Variants in ARHGAP32 observed in about 807,000 individuals in gnomAD.
ARHGAP32 encodes Rho GTPase activating protein 32, also known as rho GTPase-activating protein 32.
ARHGAP32 carries 51 observed loss-of-function variants against 186.5 expected under a neutral mutation model. The ratio of observed to expected loss-of-function variants is 0.27; its 90% CI spans 0.22 to 0.35. The LOEUF is 0.35. ARHGAP32 is among the 10% of genes least tolerant of loss of function. The pLI is 1.00. For missense variants in ARHGAP32, 2,186 were observed against 2,623.5 expected, an observed-to-expected ratio of 0.83 and a Z score of 3.64; for synonymous variants, 950 against 964.3, an observed-to-expected ratio of 0.99 and a Z score of 0.27.
chr11:129,043,460 C>A (rs1939686184), intron 10 of ARHGAP32, among the ~76,000 whole-genome samples: 1 of 146,052 alleles, frequency 6.8e-6, no homozygotes, highest in Admixed American at 7.1e-5. Flanking sequence ...GACCTCGGCT[C>A]ACTGTAACCT....
intron 6 of ARHGAP32, among the ~76,000 whole-genome samples, chr11:129,084,296 G>A (rs1190691748): frequency 6.6e-6 from 1 of 151,212 alleles, no homozygotes; most frequent in African/African-American, 2.4e-5. Flanking sequence ...TCTTCTGGGA[G>A]GCCAACATTT....
intron 1 of ARHGAP32, among the ~76,000 whole-genome samples, chr11:129,186,675 G>GT (rs1944167787): frequency 6.6e-6 from 1 of 152,086 alleles, no homozygotes; most frequent in Admixed American, 6.6e-5. Flanking sequence ...AGGAAAAAAT[G>GT]TAATAATCCG....
chr11:129,055,562 A>ACTG (rs1371440393), intron 10 of ARHGAP32, among the ~76,000 whole-genome samples: 1 of 152,222 alleles, frequency 6.6e-6, no homozygotes, highest in Non-Finnish European at 1.5e-5. Context: ...GAATATATAA[A>ACTG]CTGTGGCATA....
intron 11 of ARHGAP32, among the ~76,000 whole-genome samples, chr11:129,017,528 T>A (rs183472558): frequency 2.0e-5 from 3 of 152,188 alleles, no homozygotes; most frequent in Non-Finnish European, 4.4e-5. Context: ...TTAAATGAGT[T>A]AAAATTATAA....
intron 8 of ARHGAP32, among the ~76,000 whole-genome samples, chr11:129,064,428 T>C (rs1346125154): frequency 2.0e-5 from 3 of 152,114 alleles, no homozygotes; most frequent in African/African-American, 2.4e-5. Flanking sequence ...ATATGCACAT[T>C]AAGAATAAAT....
In ARHGAP32 at chr11:128,969,256, T is replaced by C. The variant is rs1374043207; in HGVS notation, c.5957A>G (p.His1986Arg). ...HSRDCYKEEE[H>R]LTQSIVPPPK... ...GGGTGGGACGATTGACTGAGTGAGG[T>C]GTTCTTCCTCCTTGTAGCAGTCTCT... Residue 1986 changes from histidine (H) to arginine (R), a missense_variant, in exon 23 of 23, where the codon CAC becomes CGC. Physicochemically the swap from His to Arg is conservative, Grantham distance 29 (BLOSUM62 0). Around this residue, in one of 5 missense-constraint regions of ARHGAP32, gnomAD observed 1,502 missense variants for 1,570.0 expected, o/e 0.96. Coordinates refer to ENST00000682385, the MANE Select transcript of ARHGAP32 (RefSeq NM_001378024.1). The surrounding 1 kb of genome is among the most constrained non-coding windows in gnomAD (Gnocchi z 4.8). The C allele has an allele frequency of 6.2e-7, 1 of 1,614,080 alleles. No homozygotes were observed. Among genetic ancestry groups the C allele is most frequent in the African/African-American group, 1.3e-5 (1 of 75,052 alleles).
chr11:129,264,334 T>C (rs1357628718), intron 1 of ARHGAP32, among the ~76,000 whole-genome samples: 1 of 152,200 alleles, frequency 6.6e-6, no homozygotes, highest in Admixed American at 6.5e-5. Context: ...TGTGAATATA[T>C]TCACACTACT....
chr11:129,117,233 G>A (rs1374822638), intron 5 of ARHGAP32, among the ~76,000 whole-genome samples: 2 of 151,758 alleles, frequency 1.3e-5, no homozygotes, highest in Admixed American at 1.3e-4. Flanking sequence ...TCCACAAAAC[G>A]GTTTAAGAAC....
At chr11:129,244,036 G>C (rs1044690988) in intron 1 of ARHGAP32, among the ~76,000 whole-genome samples, 5 of 152,098 alleles carry the variant, frequency 3.3e-5, no homozygotes, top group Non-Finnish European at 7.4e-5. Flanking sequence ...TGGCACAACA[G>C]AAAATAAGAG....
chr11:129,138,693 C>G (rs1394445212), intron 2 of ARHGAP32, among the ~76,000 whole-genome samples: 1 of 152,194 alleles, frequency 6.6e-6, no homozygotes, highest in African/African-American at 2.4e-5. Flanking sequence ...AGCCCCACCA[C>G]AAGCCCATCC....
At chr11:129,015,950 T>C (rs1482348871) in intron 11 of ARHGAP32, among the ~76,000 whole-genome samples, 1 of 152,174 alleles carries the variant, frequency 6.6e-6, no homozygotes, top group Non-Finnish European at 1.5e-5. Context: ...TTATAGAATA[T>C]GCTACTTTTC....
intron 12 of ARHGAP32, among the ~76,000 whole-genome samples, chr11:128,996,053 C>T (rs911836514): frequency 7.9e-5 from 12 of 152,178 alleles, no homozygotes; most frequent in South Asian, 6.2e-4. Flanking sequence ...CTGAAACCAA[C>T]GATTCTGAAC....
intron 2 of ARHGAP32, among the ~76,000 whole-genome samples, chr11:129,145,489 C>A (rs1943149912): frequency 6.7e-6 from 1 of 148,658 alleles, no homozygotes; most frequent in South Asian, 2.1e-4. Context: ...CTAGAAGAAC[C>A]ATTGTCCCTC....
intron 2 of ARHGAP32, among the ~76,000 whole-genome samples, chr11:129,137,900 A>G (rs1278257756): frequency 1.3e-5 from 2 of 152,104 alleles, no homozygotes; most frequent in African/African-American, 2.4e-5. Context: ...CTGATTAAAT[A>G]CTAAAGAATG....
intron 6 of ARHGAP32, among the ~76,000 whole-genome samples, chr11:129,069,499 C>A (rs1940803847): frequency 6.6e-6 from 1 of 152,052 alleles, no homozygotes; most frequent in African/African-American, 2.4e-5. Context: ...TGTTCAACAA[C>A]TCAAAAGACA....
intron 2 of ARHGAP32, among the ~76,000 whole-genome samples, chr11:129,142,064 T>C (rs1189881569): frequency 6.7e-6 from 1 of 148,758 alleles, no homozygotes; most frequent in Non-Finnish European, 1.5e-5. Flanking sequence ...ATGAAGAAAT[T>C]TGCCCATGTT....
chr11:129,186,972 A>G (rs1944174935), intron 1 of ARHGAP32, among the ~76,000 whole-genome samples: 1 of 152,162 alleles, frequency 6.6e-6, no homozygotes, highest in Non-Finnish European at 1.5e-5. Flanking sequence ...CAAAAAAACT[A>G]AAAATAGAGC....
intron 6 of ARHGAP32, among the ~76,000 whole-genome samples, chr11:129,076,772 C>A (rs987413043): frequency 6.6e-5 from 10 of 152,148 alleles, no homozygotes; most frequent in Admixed American, 2.0e-4. Context: ...ACTTGCAGAT[C>A]CCACTCGGAC....
intron 1 of ARHGAP32, among the ~76,000 whole-genome samples, chr11:129,199,075 G>T (rs1944427684): frequency 6.6e-6 from 1 of 152,222 alleles, no homozygotes; most frequent in South Asian, 2.1e-4. Flanking sequence ...ACTTGAGGGA[G>T]ATGATTTAGG....
Sources: allele counts gnomAD v4.1 joint callset (sites outside exome capture counted in the v4.1 genomes callset), GRCh38; gene constraint gnomAD v4.1.1; regional missense constraint gnomAD v4.1.1; non-coding constraint Gnocchi (gnomAD v3.1); transcripts MANE v1.5; gene names NCBI Gene and HGNC (gene_info 2026-07-23, HGNC 2026-07-21).